The following MAGI2 variants were observed in gnomAD, a reference collection of about 807,000 sequenced individuals.
MAGI2 encodes membrane associated guanylate kinase, WW and PDZ domain containing 2.
In MAGI2, 35 loss-of-function variants were observed where a neutral mutation model predicts 133.3. The ratio of observed to expected loss-of-function variants is 0.26; its 90% CI spans 0.20 to 0.35. MAGI2 has a LOEUF of 0.35. Ranked by LOEUF, MAGI2 falls within the 10% of genes least tolerant of loss-of-function variation. The pLI, the probability that MAGI2 is intolerant of heterozygous loss-of-function variation, is 1.00. For missense variants in MAGI2, 1,636 were observed against 1,863.4 expected (o/e 0.88, Z 2.25); for synonymous variants, 729 against 710.6 (o/e 1.03, Z -0.41).
chr7:78,720,129 A>G (rs1820123088), intron 2 of MAGI2, among the ~76,000 whole-genome samples: 1 of 152,196 alleles, frequency 6.6e-6, no homozygotes, highest in African/African-American at 2.4e-5. Context: ...ATGTCAAAAT[A>G]TATCTAATTA....
At chr7:78,446,480 A>G (rs1439090698) in intron 6 of MAGI2, among the ~76,000 whole-genome samples, 1 of 152,146 alleles carries the variant, frequency 6.6e-6, no homozygotes, top group East Asian at 1.9e-4. Flanking sequence ...TTGTCCATAT[A>G]TACCACTGAG....
chr7:79,404,722 C>T (rs1335535642), intron 1 of MAGI2, among the ~76,000 whole-genome samples: 1 of 152,094 alleles, frequency 6.6e-6, no homozygotes, highest in Non-Finnish European at 1.5e-5. Flanking sequence ...AGTTAAGAAT[C>T]CATGGGGCCC....
At chr7:79,165,614 AT>A (rs1824832170) in intron 1 of MAGI2, among the ~76,000 whole-genome samples, 1 of 152,080 alleles carries the variant, frequency 6.6e-6, no homozygotes, top group African/African-American at 2.4e-5. Context: ...AGAAGGCCAG[AT>A]TTTCACTCTT....
intron 3 of MAGI2, among the ~76,000 whole-genome samples, chr7:78,625,184 G>T (rs1161473120): frequency 6.6e-6 from 1 of 151,812 alleles, no homozygotes; most frequent in African/African-American, 2.4e-5. Context: ...TTAATTAAAT[G>T]GATTCATTTA....
intron 14 of MAGI2, among the ~76,000 whole-genome samples, chr7:78,173,595 A>G (rs143786945): frequency 1.6e-3 from 245 of 152,368 alleles, no homozygotes; most frequent in African/African-American, 5.4e-3. Context: ...TATTTATTTT[A>G]TAGTTTAATG....
chr7:78,320,349 T>G (rs576207445), intron 9 of MAGI2, among the ~76,000 whole-genome samples: 190 of 152,240 alleles, frequency 1.2e-3, no homozygotes, highest in African/African-American at 4.5e-3. Flanking sequence ...ATATCCCTGA[T>G]GAACATCACT....
intron 1 of MAGI2, among the ~76,000 whole-genome samples, chr7:79,114,667 C>G (rs991753714): frequency 6.6e-6 from 1 of 152,018 alleles, no homozygotes; most frequent in African/African-American, 2.4e-5. Context: ...CACACAGAGC[C>G]CCCCCATTAC....
intron 2 of MAGI2, among the ~76,000 whole-genome samples, chr7:78,667,128 T>C (rs1057355751): frequency 2.0e-5 from 3 of 152,014 alleles, no homozygotes; most frequent in Non-Finnish European, 4.4e-5. Context: ...TTTCCCCCAA[T>C]AGTAACATCC....
chr7:78,927,184 T>C lies in MAGI2; in HGVS notation c.418+79906A>G, dbSNP rs189946647. The stretch of plus-strand genomic sequence containing the variant: ...CAGGAAACCTAGAGTCTGGTGTCTG[T>C]CTCCCAGAAAATAGCTATGTAGCCT... On this transcript the variant is annotated intron_variant, in intron 2 of 21. Coordinates refer to ENST00000354212, the MANE Select transcript of MAGI2 (RefSeq NM_012301.4). 1.7e-3 allele frequency among the ~76,000 whole-genome samples: 261 copies of C among 152,122 alleles called. 1 individual carries two copies. Among genetic ancestry groups the C allele is most frequent in the African/African-American group, 5.9e-3 (245 of 41,550 alleles).
intron 1 of MAGI2, among the ~76,000 whole-genome samples, chr7:79,289,179 C>G (rs923392238): frequency 1.3e-5 from 2 of 152,156 alleles, no homozygotes; most frequent in Non-Finnish European, 2.9e-5. Context: ...GACCTTTCAG[C>G]ATTTGGGAAC....
intron 21 of MAGI2, among the ~76,000 whole-genome samples, chr7:78,070,698 A>C (rs1171547214): frequency 7.4e-5 from 11 of 148,946 alleles, no homozygotes; most frequent in African/African-American, 2.5e-4. Context: ...CTGGAGTGCA[A>C]TGGCATGATC....
At chr7:78,696,736 G>C (rs1291817484) in intron 2 of MAGI2, among the ~76,000 whole-genome samples, 3 of 152,082 alleles carry the variant, frequency 2.0e-5, no homozygotes, top group African/African-American at 7.2e-5. Context: ...CAGAATGTAA[G>C]AGTTACTTTT....
chr7:78,288,868 A>G (rs1796415788), intron 9 of MAGI2, among the ~76,000 whole-genome samples: 2 of 152,230 alleles, frequency 1.3e-5, no homozygotes, highest in Admixed American at 6.5e-5. Context: ...GCAAACTCTA[A>G]CAGACCTGCA....
chr7:78,160,319 C>A, intron 15 of MAGI2, 46 bp from the exon 16 acceptor site: 1 of 1,519,520 alleles, frequency 6.6e-7, no homozygotes, highest in South Asian at 1.4e-5. Context: ...TTACAAGGGT[C>A]TCAATGAATG....
chr7:78,254,186 C>A (rs73700709), intron 10 of MAGI2: 1 of 152,186 alleles, frequency 6.6e-6, no homozygotes, highest in South Asian at 2.1e-4. Context: ...AGGCACACAA[C>A]GAATATTTTC....
At chr7:79,020,708 G>A (rs1809233580) in intron 1 of MAGI2, among the ~76,000 whole-genome samples, 1 of 151,474 alleles carries the variant, frequency 6.6e-6, no homozygotes, top group African/African-American at 2.4e-5. Flanking sequence ...GGAGCTTGAA[G>A]TGAGCCGAGA....
At chr7:78,817,523 A>G (rs1279395101) in intron 2 of MAGI2, among the ~76,000 whole-genome samples, 2 of 152,084 alleles carry the variant, frequency 1.3e-5, no homozygotes, top group African/African-American at 2.4e-5. Context: ...CCCATCCCAA[A>G]CTTCAGCAAC....
chr7:78,885,847 T>C (rs1796220675), intron 2 of MAGI2, among the ~76,000 whole-genome samples: 1 of 152,158 alleles, frequency 6.6e-6, no homozygotes, highest in South Asian at 2.1e-4. Context: ...GAGAAGCTAG[T>C]TCTAAGTCCA....
chr7:79,451,832 C>A (rs943973091), intron 1 of MAGI2, among the ~76,000 whole-genome samples: 3 of 152,032 alleles, frequency 2.0e-5, no homozygotes, highest in African/African-American at 7.3e-5. Context: ...GCCTGTGACG[C>A]AAATATCCAT....
Sources: gnomAD v4.1 joint callset for allele counts (sites outside exome capture counted in the v4.1 genomes callset) on GRCh38, gnomAD v4.1.1 for gene constraint, MANE v1.5 for transcripts, NCBI Gene and HGNC (gene_info 2026-07-23, HGNC 2026-07-21) for gene names.